The following EPS15L1 variants were observed in gnomAD, a reference collection of about 807,000 sequenced individuals.
EPS15L1 encodes the protein epidermal growth factor receptor pathway substrate 15 like 1.
EPS15L1 carries 43 observed loss-of-function variants against 117.1 expected under a neutral mutation model. The observed-to-expected ratio is 0.37, with a 90% CI of 0.29 to 0.47. EPS15L1 has a LOEUF of 0.47. Among genes scored for constraint, EPS15L1 ranks in the 20% least tolerant of loss-of-function variants. The pLI is 0.99. For synonymous variants in EPS15L1, 459 were observed against 470.5 expected (o/e 0.98, Z 0.32); for missense variants, 981 against 1,164.0 (o/e 0.84, Z 2.29).
At chr19:16,436,847 C>A in intron 6 of EPS15L1, 90 bp downstream of exon 6, 1 of 1,096,188 alleles carries the variant, frequency 9.1e-7, no homozygotes, top group Non-Finnish European at 1.4e-6. Context: ...CAACATCAAA[C>A]TAGAACAATT....
intron 1 of EPS15L1, among the ~76,000 whole-genome samples, chr19:16,444,009 A>AGC: frequency 6.8e-6 from 1 of 146,612 alleles, no homozygotes; most frequent in Admixed American, 7.1e-5. Flanking sequence ...GATTGCAGTG[A>AGC]GCCGAGATCG....
At position 16,434,506 on chromosome 19, in the gene EPS15L1, T is replaced by C. The variant is rs746480885; in HGVS notation, c.373-16A>G. On this transcript the variant is annotated splice_polypyrimidine_tract_variant and intron_variant, in intron 6 of 23. Transcript: ENST00000455140. The stretch of plus-strand genomic sequence containing the variant: ...TTTCTTCCACCTAGTTGGAAAGAAA[T>C]AGCCCGAGTAAGTAGGAGAGCACAC... The C allele has an allele frequency of 3.1e-6, 5 of 1,610,682 alleles. No homozygotes were observed. Among genetic ancestry groups the C allele is most frequent in the African/African-American group, 2.7e-5 (2 of 74,824 alleles).
At chr19:16,470,052 C>G (rs983396551) in intron 1 of EPS15L1, among the ~76,000 whole-genome samples, 3 of 152,094 alleles carry the variant, frequency 2.0e-5, no homozygotes, top group African/African-American at 7.2e-5. Context: ...CTTCATTCAA[C>G]AAATGTATAG....
intron 12 of EPS15L1, 90 bp downstream of exon 12, chr19:16,417,462 C>T (rs1451899726): frequency 8.9e-7 from 1 of 1,120,730 alleles, no homozygotes; most frequent in Non-Finnish European, 1.3e-6. Flanking sequence ...GATGAGCAAA[C>T]TTCCAGGTGA....
Position 16,459,031 on chromosome 19 carries a change from C to T in EPS15L1, c.33+12882G>A, listed in dbSNP as rs183305418. 1.1e-3 allele frequency among the ~76,000 whole-genome samples: 169 copies of T among 152,356 alleles called. 2 individuals are homozygous for T. The highest frequency in any genetic ancestry group is 7.5e-3 in the South Asian group (36 of 4,826). On this transcript the variant is annotated intron_variant, in intron 1 of 23. Coordinates refer to ENST00000455140, the MANE Select transcript of EPS15L1 (RefSeq NM_001258374.3). ...ACTCCCAGGCTACAAACCTGGGCAG[C>T]GTGGCCCGGTACAGAAAACTGCAGG... is the stretch of plus-strand genomic sequence containing the variant.
intron 7 of EPS15L1, among the ~76,000 whole-genome samples, chr19:16,431,412 T>C (rs1359123945): frequency 6.6e-6 from 1 of 151,528 alleles, no homozygotes; most frequent in African/African-American, 2.4e-5. Flanking sequence ...CAAGCGATTC[T>C]CCTGCCTCAG....
At position 16,377,113 on chromosome 19, in the gene EPS15L1, C is replaced by T; in HGVS notation, c.2380+9G>A. 6.3e-7 allele frequency: 1 copy of T among 1,589,078 alleles called. No homozygotes were observed. The highest frequency in any genetic ancestry group is 1.4e-5 in the African/African-American group (1 of 73,260). On this transcript the variant is annotated intron_variant, in intron 22 of 23. Coordinates refer to ENST00000455140, the MANE Select transcript of EPS15L1 (RefSeq NM_001258374.3). ...AGGCGGTGGCTGCGAGAGAAGAAAG[C>T]TTACTGACCGCTGGGCGGTTTAGGC...
intron 1 of EPS15L1, among the ~76,000 whole-genome samples, chr19:16,446,836 A>C (rs1484730713): frequency 1.3e-5 from 2 of 152,204 alleles, no homozygotes; most frequent in African/African-American, 4.8e-5. Flanking sequence ...ATATAAATGG[A>C]CTTGAAAGCC....
chr19:16,439,372 C>T (rs1206262453), intron 4 of EPS15L1, among the ~76,000 whole-genome samples: 3 of 152,126 alleles, frequency 2.0e-5, no homozygotes, highest in African/African-American at 7.2e-5. Flanking sequence ...AATTTATTTT[C>T]CATAGGAATT....
At chr19:16,374,419 CA>C (rs2092266006) in intron 22 of EPS15L1, among the ~76,000 whole-genome samples, 1 of 152,212 alleles carries the variant, frequency 6.6e-6, no homozygotes, top group South Asian at 2.1e-4. Context: ...TCAAATTGTG[CA>C]ACAGCTCCCT....
chr19:16,425,131 G>C lies in EPS15L1; in HGVS notation c.744C>G (p.Leu248=), dbSNP rs2144970792. Reference sequence around the variant, plus strand: ...TGGGGGACAGGCTCCCTGTGCTGTTGAGGCTGCTGACGCTGCCGTGGGACG... The same window carrying C: ...TGGGGGACAGGCTCCCTGTGCTGTTCAGGCTGCTGACGCTGCCGTGGGACG... ...STPSHGSVSS[L]NSTGSLSPKH... The change falls in exon 9 of 24, where the codon CTC becomes CTG. Residue 248 remains leucine, a synonymous_variant. Coordinates refer to ENST00000455140, the MANE Select transcript of EPS15L1 (RefSeq NM_001258374.3). 1 of 1,614,212 alleles carries C rather than the reference G, an allele frequency of 6.2e-7. No individual in the cohort carries two copies. The highest frequency in any genetic ancestry group is 2.2e-5 in the East Asian group (1 of 44,888).
chr19:16,451,472 C>T (rs911264336), intron 1 of EPS15L1, among the ~76,000 whole-genome samples: 5 of 151,766 alleles, frequency 3.3e-5, no homozygotes, highest in Non-Finnish European at 7.4e-5. Context: ...TAAAGGAAAA[C>T]GGTCTTAACT....
intron 1 of EPS15L1, among the ~76,000 whole-genome samples, chr19:16,444,111 T>C (rs926697682): frequency 3.1e-5 from 2 of 64,298 alleles, no homozygotes; most frequent in African/African-American, 6.3e-5. Context: ...AAAACTACCA[T>C]GACAAAATGA....
Position 16,434,388 on chromosome 19 carries a change from G to A in EPS15L1, c.475C>T (p.Leu159=). 6.2e-7 allele frequency: 1 copy of A among 1,614,222 alleles called. No individual in the cohort carries two copies. The highest frequency in any genetic ancestry group is 8.5e-7 in the Non-Finnish European group (1 of 1,180,030). Residue 159 remains leucine, a synonymous_variant, in exon 7 of 24, where the codon CTG becomes TTG. Coordinates refer to ENST00000455140, the MANE Select transcript of EPS15L1 (RefSeq NM_001258374.3). ...ACCCTGCCCAGGACATCAAGAGGCA[G>A]CTTTGAGTTCATGAGGACTGGCTTG... The part of the protein sequence containing the change: ...KVKPVLMNSK[L]PLDVLGRVWD...
At position 16,404,780 on chromosome 19, in the gene EPS15L1, G is replaced by A. The variant is rs2092639080; in HGVS notation, c.1267-31C>T. 1.2e-6 allele frequency: 2 copies of A among 1,610,362 alleles called. No individual in the cohort carries two copies. The highest frequency in any genetic ancestry group is 1.3e-5 in the African/African-American group (1 of 74,812). ...GAGGAGTTGCAGGGGTTTACGTGAG[G>A]ATGGGAAAAATGAAGCATGTCCAAG... On this transcript the variant is annotated intron_variant, in intron 13 of 23. Coordinates refer to ENST00000455140, the MANE Select transcript of EPS15L1 (RefSeq NM_001258374.3). This position sits in a 1 kb window ranked among gnomAD's most constrained non-coding sequence, Gnocchi z 4.2.
At chr19:16,446,042 T>C (rs940650204) in intron 1 of EPS15L1, among the ~76,000 whole-genome samples, 2 of 152,196 alleles carry the variant, frequency 1.3e-5, no homozygotes, top group African/African-American at 4.8e-5. Context: ...TCCTGTGGCC[T>C]CCTCACTTAT....
rs2092332344 is a variant in EPS15L1 at position 16,379,175 on chromosome 19, G to T, written c.2248-1921C>A. ...AAAAAATTAGCCGGTCGTGGTGGCGGGCGCCTGTAGTCCCAACTACTCGGG... is the reference window on the plus strand; with the variant it reads ...AAAAAATTAGCCGGTCGTGGTGGCGTGCGCCTGTAGTCCCAACTACTCGGG... On this transcript the variant is annotated intron_variant, in intron 21 of 23. Transcript: ENST00000455140. Among the ~76,000 whole-genome samples the T allele has an allele frequency of 2.0e-5, 3 of 152,120 alleles. No individual in the cohort carries two copies. The South Asian group carries it at 6.2e-4, about 32-fold the overall frequency.
chr19:16,402,192 A>G (rs1366360924), intron 16 of EPS15L1, 129 bp downstream of exon 16: 2 of 1,464,584 alleles, frequency 1.4e-6, no homozygotes, highest in African/African-American at 2.8e-5. Flanking sequence ...TGGCAGCAAA[A>G]ACAACAGACA....
intron 1 of EPS15L1, among the ~76,000 whole-genome samples, chr19:16,451,310 T>C (rs1277150506): frequency 6.6e-6 from 1 of 152,134 alleles, no homozygotes; most frequent in Non-Finnish European, 1.5e-5. Context: ...GTTTTGTTTT[T>C]TCTTTAAAGA....
Sources: allele counts gnomAD v4.1 joint callset (sites outside exome capture counted in the v4.1 genomes callset), GRCh38; gene constraint gnomAD v4.1.1; non-coding constraint Gnocchi (gnomAD v3.1); transcripts MANE v1.5; gene names NCBI Gene and HGNC (gene_info 2026-07-23, HGNC 2026-07-21).